Variants in PPFIA1 observed in about 807,000 individuals in gnomAD.
The protein encoded by PPFIA1 is liprin-alpha-1.
A neutral mutation model predicts 149.9 loss-of-function variants in PPFIA1; 25 were observed. That is an observed-to-expected ratio of 0.17 (90% CI 0.12 to 0.23). PPFIA1 has a LOEUF of 0.23. PPFIA1 is among the 10% of genes least tolerant of loss of function. The pLI is 1.00. For synonymous variants in PPFIA1, 549 were observed against 552.8 expected, an observed-to-expected ratio of 0.99 and a Z score of 0.10; for missense variants, 1,362 against 1,506.5, an observed-to-expected ratio of 0.90 and a Z score of 1.59.
intron 2 of PPFIA1, among the ~76,000 whole-genome samples, chr11:70,288,542 T>C (rs2051309642): frequency 1.3e-5 from 2 of 152,186 alleles, no homozygotes; most frequent in Admixed American, 6.5e-5. Context: ...GTGTCCATGG[T>C]GTTCCCTGCT....
chr11:70,271,790 T>C (rs2050107938), intron 1 of PPFIA1: 1 of 155,622 alleles, frequency 6.4e-6, no homozygotes. Flanking sequence ...TGTTTTGACT[T>C]TCTCCCCCCC....
chr11:70,272,842 T>C (rs569409217), intron 2 of PPFIA1, among the ~76,000 whole-genome samples: 1 of 152,258 alleles, frequency 6.6e-6, no homozygotes, highest in East Asian at 1.9e-4. Context: ...AATAGACAAA[T>C]AGGATTGATT....
chr11:70,279,296 AT>A, intron 2 of PPFIA1: 1 of 235,826 alleles, frequency 4.2e-6, no homozygotes, highest in East Asian at 1.0e-4. Context: ...ACTGCCAGCC[AT>A]TTTCAATTCT....
chr11:70,348,431 G>A lies in PPFIA1; in HGVS notation c.2163+11G>A, dbSNP rs756116008. On this transcript the variant is annotated intron_variant, in intron 16 of 27. Transcript: ENST00000253925. ...GGCGTCATGACCCTTGTACGTATCC[G>A]CCCTTTCCCTGCTGTGGCTGCCCTC... is the stretch of plus-strand genomic sequence containing the variant. 10 of 1,574,330 alleles carry A rather than the reference G, an allele frequency of 6.4e-6. No individual in the cohort carries two copies. The highest frequency in any genetic ancestry group is 1.4e-5 in the African/African-American group (1 of 73,984).
At chr11:70,352,349 A>G (rs529464825) in intron 16 of PPFIA1, among the ~76,000 whole-genome samples, 8 of 152,372 alleles carry the variant, frequency 5.3e-5, no homozygotes, top group South Asian at 2.1e-4. Flanking sequence ...ACCAGCAGCA[A>G]CAAGACACAG....
At chr11:70,352,558 C>T (rs2056113826) in intron 16 of PPFIA1, among the ~76,000 whole-genome samples, 1 of 151,984 alleles carries the variant, frequency 6.6e-6, no homozygotes, top group Non-Finnish European at 1.5e-5. Context: ...GAGGTTAAAC[C>T]AGGGGTGCGT....
intron 19 of PPFIA1, 103 bp from the exon 20 acceptor site, chr11:70,361,992 C>A: frequency 1.9e-6 from 2 of 1,034,532 alleles, no homozygotes; most frequent in South Asian, 1.4e-5. Flanking sequence ...AACTCCTGGG[C>A]TCAAGTGGTC....
chr11:70,337,290 T>C, intron 11 of PPFIA1, 75 bp from the exon 12 acceptor site: 3 of 1,000,914 alleles, frequency 3.0e-6, no homozygotes, highest in Non-Finnish European at 4.3e-6. Flanking sequence ...TTTTTTTTTT[T>C]AAACGAATAC....
At chr11:70,345,838 A>G in intron 15 of PPFIA1, 1 of 217,860 alleles carries the variant, frequency 4.6e-6, no homozygotes, top group Non-Finnish European at 9.7e-6. Flanking sequence ...AAAATATAAA[A>G]ATTAGGCCAG....
intron 9 of PPFIA1, 73 bp downstream of exon 9, chr11:70,332,167 C>G (rs2054706508): frequency 6.8e-7 from 1 of 1,479,218 alleles, no homozygotes. Context: ...CCTTGTTTGT[C>G]ACTGTTCTTA....
intron 7 of PPFIA1, among the ~76,000 whole-genome samples, chr11:70,329,089 A>C (rs987114337): frequency 2.6e-5 from 4 of 152,098 alleles, no homozygotes; most frequent in African/African-American, 7.2e-5. Flanking sequence ...ATTGTATGAG[A>C]GTTCATCCAA....
intron 2 of PPFIA1, among the ~76,000 whole-genome samples, chr11:70,302,422 C>T (rs889673582): frequency 4.6e-5 from 7 of 152,132 alleles, no homozygotes; most frequent in African/African-American, 9.7e-5. Flanking sequence ...CTGAGAGCCT[C>T]GTGGGAGGAT....
chr11:70,311,597 C>CGG (rs1484647930), intron 2 of PPFIA1, among the ~76,000 whole-genome samples: 2 of 152,096 alleles, frequency 1.3e-5, no homozygotes, highest in Non-Finnish European at 2.9e-5. Context: ...GAAGGGGCTG[C>CGG]GGGACACCTG....
At chr11:70,290,328 G>T (rs2051443272) in intron 2 of PPFIA1, among the ~76,000 whole-genome samples, 2 of 152,164 alleles carry the variant, frequency 1.3e-5, no homozygotes, top group South Asian at 4.1e-4. Context: ...CTTGCACCTA[G>T]CCCTGTCGCA....
Position 70,372,585 on chromosome 11 carries a change from G to C in PPFIA1, c.3139+11G>C, listed in dbSNP as rs1265543147. 1 of 1,592,026 alleles carries C rather than the reference G, an allele frequency of 6.3e-7. No individual in the cohort carries two copies. The highest frequency in any genetic ancestry group is 1.1e-5 in the South Asian group (1 of 90,328). The stretch of plus-strand genomic sequence containing the variant: ...AGAGTGAAATAAAAGGTTAGTACAT[G>C]ACATTTAATTGATTCGGTTTACTCC... On this transcript the variant is annotated intron_variant, in intron 23 of 27. Coordinates refer to ENST00000253925, the MANE Select transcript of PPFIA1 (RefSeq NM_003626.5).
At chr11:70,292,541 G>A (rs1373615017) in intron 2 of PPFIA1, among the ~76,000 whole-genome samples, 1 of 152,190 alleles carries the variant, frequency 6.6e-6, no homozygotes, top group Non-Finnish European at 1.5e-5. Context: ...TAATCATTTG[G>A]GTATTTTTTA....
chr11:70,332,116 T>C (rs2054703449), intron 9 of PPFIA1, 22 bp downstream of exon 9: 1 of 1,566,844 alleles, frequency 6.4e-7, no homozygotes, highest in African/African-American at 1.4e-5. Context: ...AGCTTCATTC[T>C]GGTTCGGCTG....
At chr11:70,323,551 AG>A (rs1291939732) in intron 2 of PPFIA1, among the ~76,000 whole-genome samples, 1 of 152,216 alleles carries the variant, frequency 6.6e-6, no homozygotes, top group African/African-American at 2.4e-5. Flanking sequence ...CAGCTGCAGC[AG>A]TCTGGAACAG....
intron 2 of PPFIA1, among the ~76,000 whole-genome samples, chr11:70,290,896 C>CT (rs770358642): frequency 1.4e-4 from 21 of 151,974 alleles, no homozygotes; most frequent in Middle Eastern, 3.4e-3. Context: ...CTTGAAATCT[C>CT]TTTTTTTTGA....
Sources: gnomAD v4.1 joint callset for allele counts (sites outside exome capture counted in the v4.1 genomes callset) on GRCh38, gnomAD v4.1.1 for gene constraint, MANE v1.5 for transcripts, NCBI Gene and HGNC (gene_info 2026-07-23, HGNC 2026-07-21) for gene names.